Variants in ARR3 observed in about 807,000 individuals in gnomAD.
The protein encoded by ARR3 is arrestin 3.
ARR3 carries 14 observed loss-of-function variants against 35.4 expected under a neutral mutation model. The ratio of observed to expected loss-of-function variants is 0.40; its 90% CI spans 0.26 to 0.62. ARR3 has a LOEUF of 0.62. Among genes scored for constraint, ARR3 ranks in the 20% least tolerant of loss-of-function variants. The pLI, the probability that ARR3 is intolerant of heterozygous loss-of-function variation, is 0.46. For missense variants in ARR3, 259 were observed against 303.8 expected (o/e 0.85, Z 1.10); for synonymous variants, 97 against 119.1 (o/e 0.81, Z 1.21).
At chrX:70,278,011 G>A (rs2085661295) in intron 10 of ARR3, 55 bp from the exon 11 acceptor site, 1 of 1,118,175 alleles carries the variant, frequency 8.9e-7, no homozygotes, top group African/African-American at 1.8e-5. Flanking sequence ...CACTGAGCTG[G>A]GGTCTCAAGG....
chrX:70,278,335 TA>T (rs1432826637), intron 11 of ARR3, among the ~76,000 whole-genome samples, 168 bp from the exon 12 acceptor site: 1 of 111,274 alleles, frequency 9.0e-6, no homozygotes, highest in Non-Finnish European at 1.9e-5. Context: ...GGCAGGGGCA[TA>T]AGGATTTCCC....
chrX:70,276,352 C>T (rs2085652786), intron 6 of ARR3, 71 bp downstream of exon 6: 2 of 1,188,034 alleles, frequency 1.7e-6, no homozygotes, highest in Non-Finnish European at 2.3e-6. Flanking sequence ...AGAAGGACAA[C>T]AAGGGAGAGG....
chrX:70,278,409 G>C, intron 11 of ARR3, 95 bp from the exon 12 acceptor site: 2 of 1,031,246 alleles, frequency 1.9e-6, no homozygotes, highest in South Asian at 4.6e-5. Context: ...ACTCCAGTAG[G>C]TTCTTGTATA....
chrX:70,271,116 G>A (rs1342875952), intron 5 of ARR3, among the ~76,000 whole-genome samples: 1 of 111,553 alleles, frequency 9.0e-6, no homozygotes, highest in Non-Finnish European at 1.9e-5. Context: ...GGAACTTTGG[G>A]ATAGACTCAT....
At position 70,270,137 on chromosome X, in the gene ARR3, T is replaced by C; in HGVS notation, c.138T>C (p.Cys46=). ...VVLVDPEYLK[C]RKLFVMLTCA... Reference sequence around the variant, plus strand: ...TGGTTGATCCTGAGTACTTAAAATGTCGAAAGTGTAAGTGGAAATCCTTGT... The same window carrying C: ...TGGTTGATCCTGAGTACTTAAAATGCCGAAAGTGTAAGTGGAAATCCTTGT... The change falls in exon 5 of 17, where the codon TGT becomes TGC. Residue 46 remains cysteine (C), a synonymous_variant. Coordinates refer to ENST00000307959, the MANE Select transcript of ARR3 (RefSeq NM_004312.3). The C allele has an allele frequency of 1.7e-6, 2 of 1,210,598 alleles. No homozygotes were observed. Among genetic ancestry groups the C allele is most frequent in the Non-Finnish European group, 2.2e-6 (2 of 894,293 alleles).
chrX:70,278,644 A>G lies in ARR3; in HGVS notation c.905+3A>G, dbSNP rs766993419. On this transcript the variant is annotated splice_donor_region_variant and intron_variant, in intron 12 of 16. Transcript: ENST00000307959. Reference sequence around the variant, plus strand: ...ACCAACCTGGCCTCTAGCACAATGTAAGCTCAAATATAACTCTCAGCCTCC... The same window carrying G: ...ACCAACCTGGCCTCTAGCACAATGTGAGCTCAAATATAACTCTCAGCCTCC... 3.7e-5 allele frequency: 44 copies of G among 1,205,018 alleles called. No individual in the cohort carries two copies. Among genetic ancestry groups the G allele is most frequent in the Admixed American group, 4.4e-5 (2 of 45,433 alleles).
chrX:70,277,404 C>T lies in ARR3; in HGVS notation c.484C>T (p.Arg162Trp), dbSNP rs746178806. ...EETVSKRDYV[R>W]LVVRKVQFAP... ...TTGGTCTCTGCTCAGAGACTATGTGCGGCTGGTTGTCCGGAAAGTACAATT... is the reference window on the plus strand; with the variant it reads ...TTGGTCTCTGCTCAGAGACTATGTGTGGCTGGTTGTCCGGAAAGTACAATT... Residue 162 changes from arginine (R) to tryptophan (W), a missense_variant, in exon 9 of 17, where the codon CGG becomes TGG. Arg to Trp is a moderately radical substitution (Grantham distance 101). Coordinates refer to ENST00000307959, the MANE Select transcript of ARR3 (RefSeq NM_004312.3). 3.4e-5 allele frequency: 41 copies of T among 1,209,099 alleles called. No homozygotes were observed. Among genetic ancestry groups the T allele is most frequent in the Non-Finnish European group, 4.2e-5 (38 of 894,784 alleles).
chrX:70,277,412 TG>T lies in ARR3; in HGVS notation c.493del (p.Val165SerfsTer79). 8.3e-7 allele frequency: 1 copy of T among 1,211,506 alleles called. No homozygotes were observed. The highest frequency in any genetic ancestry group is 1.1e-6 in the Non-Finnish European group (1 of 895,368). On this transcript the variant is annotated frameshift_variant, in exon 9 of 17. Coordinates refer to ENST00000307959, the MANE Select transcript of ARR3 (RefSeq NM_004312.3). LOFTEE classifies it high-confidence loss of function. ...TGCTCAGAGACTATGTGCGGCTGGT[TG>T]TCCGGAAAGTACAATTTGCACCACC... ...VSKRDYVRLV[V>X]RKVQFAPPEA...
chrX:70,269,707 C>A lies in ARR3; in HGVS notation c.39+15C>A. 1 of 1,204,675 alleles carries A rather than the reference C, an allele frequency of 8.3e-7. No homozygotes were observed. The highest frequency in any genetic ancestry group is 1.8e-5 in the South Asian group (1 of 55,697). ...CCAATGGGAAGGTGAGAGAACCTGG[C>A]CCAGCTGGGCAAATGAGAGGGCAAA... On this transcript the variant is annotated intron_variant, in intron 3 of 16. Coordinates refer to ENST00000307959, the MANE Select transcript of ARR3 (RefSeq NM_004312.3).
chrX:70,277,719 C>G lies in ARR3; in HGVS notation c.613C>G (p.His205Asp). 1 of 1,209,381 alleles carries G rather than the reference C, an allele frequency of 8.3e-7. No individual in the cohort carries two copies. The highest frequency in any genetic ancestry group is 1.1e-6 in the Non-Finnish European group (1 of 893,717). ...QLQAWMDREVHYHGEPISVNV... is the reference protein window; with the variant it reads ...QLQAWMDREVDYHGEPISVNV... ...TGGGTCCCCGCTCCTGCTTTAGGTTCACTACCACGGAGAACCCATCTCTGT... is the reference window on the plus strand; with the variant it reads ...TGGGTCCCCGCTCCTGCTTTAGGTTGACTACCACGGAGAACCCATCTCTGT... Residue 205 changes from histidine to aspartate, a missense_variant, in exon 10 of 17, where the codon CAC becomes GAC. Physicochemically the swap from His to Asp is moderately conservative, Grantham distance 81. Transcript: ENST00000307959.
intron 5 of ARR3, 144 bp from the exon 6 acceptor site, chrX:70,275,938 A>G: frequency 1.6e-6 from 1 of 610,231 alleles, no homozygotes; most frequent in Non-Finnish European, 2.5e-6. Flanking sequence ...CGGCCTCCCA[A>G]AGTGCTGGGA....
chrX:70,277,576 G>A (rs781715841), intron 9 of ARR3, 47 bp downstream of exon 9: 13 of 1,195,895 alleles, frequency 1.1e-5, no homozygotes, highest in Non-Finnish European at 1.4e-5. Context: ...CCCCTCTGAT[G>A]CCCTTTCTTC....
At chrX:70,269,040 C>T (rs977672530) in intron 1 of ARR3, among the ~76,000 whole-genome samples, 20 of 112,310 alleles carry the variant, frequency 1.8e-4, no homozygotes, top group African/African-American at 6.5e-4. Flanking sequence ...CAGAGAAGTT[C>T]CTTCTCTCTC....
chrX:70,278,105 A>T lies in ARR3; in HGVS notation c.734A>T (p.Lys245Met), dbSNP rs1380458537. ...ITDVVLYSLD[K>M]YTKTVFIQEF... Reference sequence around the variant, plus strand: ...GATGTTGTCCTGTATTCACTAGACAAGTACACCAAGACTGTGTTCATTCAG... The same window carrying T: ...GATGTTGTCCTGTATTCACTAGACATGTACACCAAGACTGTGTTCATTCAG... Residue 245 changes from lysine (K) to methionine (M), a missense_variant, in exon 11 of 17, where the codon AAG (lysine) becomes ATG (methionine). Lys to Met is a moderately conservative substitution (Grantham distance 95, BLOSUM62 -1). Coordinates refer to ENST00000307959, the MANE Select transcript of ARR3 (RefSeq NM_004312.3). 1 of 1,210,497 alleles carries T rather than the reference A, an allele frequency of 8.3e-7. No individual in the cohort carries two copies. Among genetic ancestry groups the T allele is most frequent in the Non-Finnish European group, 1.1e-6 (1 of 895,093 alleles).
intron 5 of ARR3, among the ~76,000 whole-genome samples, chrX:70,271,603 T>C (rs779474204): frequency 8.9e-6 from 1 of 112,064 alleles, no homozygotes; most frequent in African/African-American, 3.2e-5. Flanking sequence ...TACAATGATC[T>C]CAAAATACAA....
Position 70,277,387 on chromosome X carries a change from T to C in ARR3, c.474-7T>C, listed in dbSNP as rs2085657726. The C allele has an allele frequency of 8.3e-7, 1 of 1,207,542 alleles. No homozygotes were observed. On this transcript the variant is annotated splice_polypyrimidine_tract_variant and splice_region_variant and intron_variant, in intron 8 of 16. Transcript: ENST00000307959. ...ACGCTCTGGCTAATCTCTTGGTCTC[T>C]GCTCAGAGACTATGTGCGGCTGGTT...
At chrX:70,276,054 G>A in intron 5 of ARR3, 28 bp from the exon 6 acceptor site, 1 of 1,204,491 alleles carries the variant, frequency 8.3e-7, no homozygotes, top group Non-Finnish European at 1.1e-6. Flanking sequence ...AGGCCTGACA[G>A]ACCACTCTCT....
chrX:70,277,716 G>A lies in ARR3; in HGVS notation c.610G>A (p.Val204Ile). The A allele has an allele frequency of 8.3e-7, 1 of 1,209,082 alleles. No homozygotes were observed. Among genetic ancestry groups the A allele is most frequent in the Non-Finnish European group, 1.1e-6 (1 of 893,718 alleles). Reference sequence around the variant, plus strand: ...ACATGGGTCCCCGCTCCTGCTTTAGGTTCACTACCACGGAGAACCCATCTC... The same window carrying A: ...ACATGGGTCCCCGCTCCTGCTTTAGATTCACTACCACGGAGAACCCATCTC... ...LQLQAWMDRE[V>I]HYHGEPISVN... The change falls in exon 10 of 17, where the codon GTT (valine) becomes ATT (isoleucine). Residue 204 changes from valine (V) to isoleucine (I), a missense_variant and splice_region_variant. Physicochemically the swap from Val to Ile is conservative, Grantham distance 29 (BLOSUM62 3). Coordinates refer to ENST00000307959, the MANE Select transcript of ARR3 (RefSeq NM_004312.3).
intron 15 of ARR3, 94 bp from the exon 16 acceptor site, chrX:70,281,005 G>GGA: frequency 2.1e-6 from 2 of 962,935 alleles, no homozygotes; most frequent in Non-Finnish European, 2.8e-6. Flanking sequence ...GGGAAGTTGG[G>GGA]GGGGGGGGAA....
Sources: allele counts gnomAD v4.1 joint callset (sites outside exome capture counted in the v4.1 genomes callset), GRCh38; gene constraint gnomAD v4.1.1; transcripts MANE v1.5; gene names NCBI Gene and HGNC (gene_info 2026-07-23, HGNC 2026-07-21).